Variants in PAM observed in about 807,000 individuals in gnomAD.
PAM encodes peptidyl-glycine alpha-amidating monooxygenase.
Under a neutral mutation model 122.1 loss-of-function variants are expected in PAM, and 72 were observed. The ratio of observed to expected loss-of-function variants is 0.59; its 90% confidence interval spans 0.49 to 0.72. The LOEUF is 0.72. PAM is among the 30% of genes least tolerant of loss of function. The pLI, the probability that PAM is intolerant of heterozygous loss-of-function variation, is 0.00. For synonymous variants in PAM, 389 were observed against 404.4 expected (o/e 0.96, Z 0.46); for missense variants, 1,106 against 1,183.7 (o/e 0.93, Z 0.96).
chr5:102,793,142 AGAACACCG>A (rs1191132693), intron 1 of PAM, among the ~76,000 whole-genome samples: 2 of 152,172 alleles, frequency 1.3e-5, no homozygotes, highest in African/African-American at 4.8e-5. Context: ...AATTTTTTAT[AGAACACCG>A]AAGATTCTTT....
intron 1 of PAM, among the ~76,000 whole-genome samples, chr5:102,849,897 G>T (rs1317528001): frequency 6.6e-6 from 1 of 152,074 alleles, no homozygotes; most frequent in Non-Finnish European, 1.5e-5. Context: ...GGAGTAGCTG[G>T]GCAAGGGAAT....
In PAM at chr5:103,029,079, A is replaced by G; in HGVS notation, c.*14A>G. ...TCCTCCTCCTGAAAACCAAGCTTTG[A>G]TTTAGATTGAGTAAGATTTACCCAG... is the stretch of plus-strand genomic sequence containing the variant. On this transcript the variant is annotated 3_prime_UTR_variant, in exon 26 of 26. Transcript: ENST00000438793. 1.3e-6 allele frequency: 2 copies of G among 1,595,420 alleles called. No homozygotes were observed. The highest frequency in any genetic ancestry group is 8.5e-7 in the Non-Finnish European group (1 of 1,171,812).
At chr5:102,953,383 A>T (rs951645591) in intron 12 of PAM, among the ~76,000 whole-genome samples, 1 of 151,756 alleles carries the variant, frequency 6.6e-6, no homozygotes, top group East Asian at 1.9e-4. Flanking sequence ...CTTTACAAGG[A>T]GGGGGGGGAA....
chr5:102,966,697 T>C (rs181329324), intron 14 of PAM, among the ~76,000 whole-genome samples: 1 of 152,302 alleles, frequency 6.6e-6, no homozygotes, highest in Admixed American at 6.5e-5. Context: ...CCATTCCTCA[T>C]ATCCTCTCAT....
At chr5:102,885,505 T>C (rs1792767598) in intron 3 of PAM, among the ~76,000 whole-genome samples, 1 of 151,986 alleles carries the variant, frequency 6.6e-6, no homozygotes, top group Admixed American at 6.6e-5. Flanking sequence ...AGAAAGAAGA[T>C]AGATTGGTAG....
chr5:102,805,936 C>T (rs1766106300), intron 1 of PAM, among the ~76,000 whole-genome samples: 1 of 152,202 alleles, frequency 6.6e-6, no homozygotes, highest in Admixed American at 6.5e-5. Flanking sequence ...TTCTCACTCA[C>T]ACTTGATTTT....
At chr5:102,914,287 C>G (rs949666851) in intron 5 of PAM, among the ~76,000 whole-genome samples, 9 of 151,808 alleles carry the variant, frequency 5.9e-5, no homozygotes, top group African/African-American at 2.2e-4. Context: ...ACCAGGACCC[C>G]AAAAGGGGCT....
intron 3 of PAM, among the ~76,000 whole-genome samples, chr5:102,881,593 T>G (rs552260855): frequency 1.5e-4 from 23 of 152,126 alleles, no homozygotes; most frequent in African/African-American, 5.5e-4. Context: ...AATGAAAGTC[T>G]GAGTTAGAAC....
intron 3 of PAM, among the ~76,000 whole-genome samples, chr5:102,869,971 A>G (rs567529949): frequency 6.6e-6 from 1 of 152,270 alleles, no homozygotes; most frequent in East Asian, 1.9e-4. Context: ...GGAATGATCA[A>G]GAACAAAAAT....
chr5:102,894,421 C>T (rs1208565037), intron 3 of PAM, among the ~76,000 whole-genome samples: 1 of 151,678 alleles, frequency 6.6e-6, no homozygotes, highest in Non-Finnish European at 1.5e-5. Context: ...TCTTCCAAGG[C>T]ATGTGGCTAC....
At chr5:102,948,170 G>A (rs189754285) in intron 8 of PAM, among the ~76,000 whole-genome samples, 3 of 152,256 alleles carry the variant, frequency 2.0e-5, no homozygotes, top group East Asian at 1.9e-4. Flanking sequence ...AAGTCAACAC[G>A]TAAAGTTAGC....
At chr5:102,861,807 T>C (rs1784267865) in intron 1 of PAM, among the ~76,000 whole-genome samples, 1 of 152,194 alleles carries the variant, frequency 6.6e-6, no homozygotes, top group South Asian at 2.1e-4. Flanking sequence ...TGTACTATAC[T>C]TGCAGCATTT....
At chr5:102,807,845 G>C (rs138075005) in intron 1 of PAM, among the ~76,000 whole-genome samples, 99 of 152,324 alleles carry the variant, frequency 6.5e-4, no homozygotes, top group African/African-American at 2.3e-3. Context: ...CAGAGCTTCA[G>C]ATGTGAGGGG....
At chr5:102,783,896 C>T (rs1365957642) in intron 1 of PAM, among the ~76,000 whole-genome samples, 4 of 151,710 alleles carry the variant, frequency 2.6e-5, no homozygotes, top group Non-Finnish European at 5.9e-5. Context: ...TCATGATCTA[C>T]CCCCATCTTT....
intron 4 of PAM, among the ~76,000 whole-genome samples, chr5:102,905,008 C>T (rs1185891105): frequency 2.0e-5 from 3 of 151,494 alleles, no homozygotes; most frequent in Non-Finnish European, 3.0e-5. Context: ...ATGTGAATTA[C>T]AGTAGGTGTT....
At chr5:102,936,968 C>A (rs1004346788) in intron 7 of PAM, among the ~76,000 whole-genome samples, 2 of 152,060 alleles carry the variant, frequency 1.3e-5, no homozygotes, top group Non-Finnish European at 2.9e-5. Flanking sequence ...GAATAATTTG[C>A]ATTTACCAAA....
At position 102,864,188 on chromosome 5, in the gene PAM, T is replaced by A. The variant is rs539732712; in HGVS notation, c.-373-1635T>A. Among the ~76,000 whole-genome samples, 1,321 of 141,574 alleles carry A rather than the reference T, an allele frequency of 9.3e-3. 7 individuals are homozygous for A. The highest frequency in any genetic ancestry group is 0.013 in the Non-Finnish European group (840 of 64,856). 92.9% of individuals were successfully genotyped at this position (141,574 alleles called of 152,430 possible). On this transcript the variant is annotated intron_variant, in intron 1 of 25. Coordinates refer to ENST00000438793, the MANE Select transcript of PAM (RefSeq NM_001177306.2). ...CATATATATATATATATATATATTT[T>A]TTTTTTTTTTAAAGAACTTCAGGGA...
chr5:102,888,654 G>T (rs3749668), intron 3 of PAM, among the ~76,000 whole-genome samples: 1 of 151,696 alleles, frequency 6.6e-6, no homozygotes, highest in African/African-American at 2.4e-5. Flanking sequence ...TTTGGTTCAG[G>T]CTGTATTTTC....
Position 103,025,119 on chromosome 5 carries a change from C to A in PAM, c.2486-12C>A. The A allele has an allele frequency of 1.9e-6, 3 of 1,602,574 alleles. No homozygotes were observed. The highest frequency in any genetic ancestry group is 2.6e-6 in the Non-Finnish European group (3 of 1,169,882). ...AGTCAGTTGAATATTGTGAACTCTT[C>A]TTTCCCTGAAGAAGCCGAGGCAGTT... is the stretch of plus-strand genomic sequence containing the variant. On this transcript the variant is annotated splice_polypyrimidine_tract_variant and intron_variant, in intron 23 of 25. Coordinates refer to ENST00000438793, the MANE Select transcript of PAM (RefSeq NM_001177306.2).
Sources: gnomAD v4.1 joint callset for allele counts (sites outside exome capture counted in the v4.1 genomes callset) on GRCh38, gnomAD v4.1.1 for gene constraint, MANE v1.5 for transcripts, NCBI Gene and HGNC (gene_info 2026-07-23, HGNC 2026-07-21) for gene names.